Variants in ATP6V0B observed in about 807,000 individuals in gnomAD.
ATP6V0B encodes the protein V-type proton ATPase 21 kDa proteolipid subunit c''.
Under a neutral mutation model 26.2 loss-of-function variants are expected in ATP6V0B, and 4 were observed. The ratio of observed to expected loss-of-function variants is 0.15; its 90% CI spans 0.08 to 0.35. ATP6V0B has a LOEUF of 0.35. ATP6V0B is among the 10% of genes least tolerant of loss of function. The probability of loss-of-function intolerance (pLI) is 1.00; values close to 1 mark genes in which losing one functional copy is unlikely to be tolerated. For synonymous variants in ATP6V0B, 110 were observed against 105.8 expected (o/e 1.04, Z -0.24); for missense variants, 175 against 272.5 (o/e 0.64, Z 2.52).
chr1:43,974,971 C>A lies in ATP6V0B; in HGVS notation c.-70C>A. 8.5e-7 allele frequency: 1 copy of A among 1,169,778 alleles called. No homozygotes were observed. Among genetic ancestry groups the A allele is most frequent in the Non-Finnish European group, 1.1e-6 (1 of 920,228 alleles). 72.5% of individuals were successfully genotyped at this position (1,169,778 alleles called of 1,614,324 possible). A position where few individuals can be genotyped will look rare whatever the true frequency, so the allele number is the denominator to read the frequency against. On this transcript the variant is annotated 5_prime_UTR_variant, in exon 1 of 8. Transcript: ENST00000472174. ...CGGGGCGGGCGGACAGACTGCGGGA[C>A]GGACGGTGGACGCTGGGACGCGTTT...
chr1:43,977,316 A>G (rs2085531793), intron 7 of ATP6V0B, 100 bp downstream of exon 7: 2 of 1,604,052 alleles, frequency 1.2e-6, no homozygotes, highest in Non-Finnish European at 1.7e-6. Context: ...ACCTATAACT[A>G]TAGATTCCCC....
intron 7 of ATP6V0B, chr1:43,977,594 C>T (rs774192594): frequency 1.4e-6 from 2 of 1,420,758 alleles, no homozygotes; most frequent in Non-Finnish European, 1.8e-6. Context: ...GTTTGACTGT[C>T]TCTCGGAGCT....
intron 7 of ATP6V0B, chr1:43,977,626 G>C: frequency 7.0e-7 from 1 of 1,419,050 alleles, no homozygotes; most frequent in African/African-American, 1.4e-5. Context: ...CCTCTCACAT[G>C]CCTGTCAGTA....
chr1:43,975,969 T>TA (rs2085515203), intron 2 of ATP6V0B, 121 bp downstream of exon 2: 4 of 1,513,532 alleles, frequency 2.6e-6, no homozygotes, highest in Non-Finnish European at 3.6e-6. Flanking sequence ...CTTTGGGAAA[T>TA]ACGCGGTCAG....
chr1:43,976,287 T>C lies in ATP6V0B; in HGVS notation c.201-15T>C. 1 of 1,613,532 alleles carries C rather than the reference T, an allele frequency of 6.2e-7. No homozygotes were observed. On this transcript the variant is annotated splice_polypyrimidine_tract_variant and intron_variant, in intron 3 of 7. Transcript: ENST00000472174. This position sits in a 1 kb window ranked among gnomAD's most constrained non-coding sequence, Gnocchi z 4.6. ...AGCTTGGGCTCTGCTCATCAGTTTTTTATCCTTCCACCAGGGGCATCTATA... is the reference window on the plus strand; with the variant it reads ...AGCTTGGGCTCTGCTCATCAGTTTTCTATCCTTCCACCAGGGGCATCTATA...
intron 2 of ATP6V0B, 90 bp downstream of exon 2, chr1:43,975,938 C>T: frequency 6.6e-7 from 1 of 1,514,172 alleles, no homozygotes; most frequent in Non-Finnish European, 9.1e-7. Flanking sequence ...CCCCACACCA[C>T]TGCCTGCCTG....
rs1266082982 is a variant in ATP6V0B, at chr1:43,976,861, CTTCA to C, written c.400+39_400+42del. 1 of 1,610,914 alleles carries C rather than the reference CTTCA, an allele frequency of 6.2e-7. No individual in the cohort carries two copies. Among genetic ancestry groups the C allele is most frequent in the Non-Finnish European group, 8.5e-7 (1 of 1,177,254 alleles). On this transcript the variant is annotated intron_variant, in intron 6 of 7. Transcript: ENST00000472174. This position sits in a 1 kb window ranked among gnomAD's most constrained non-coding sequence, Gnocchi z 4.6. ...GGCGTATGAATGCAAAATGCTGGGA[CTTCA>C]TGCCTGCTTCCACTCTCCCCCATCC...
In ATP6V0B at chr1:43,977,566, ATCAG is replaced by A. The variant is rs1269455876; in HGVS notation, c.591+353_591+356del. 4.9e-6 allele frequency: 7 copies of A among 1,425,474 alleles called. No individual in the cohort carries two copies. In the East Asian group the frequency reaches 1.5e-4, roughly 31 times the overall value. The allele number at this position is 1,425,474 out of a possible 1,614,324, so 88.3% of individuals were successfully genotyped here. A position where few individuals can be genotyped will look rare whatever the true frequency, so the allele number is the denominator to read the frequency against. The stretch of plus-strand genomic sequence containing the variant: ...CTAGAATGGAATTTTGTCTGTCTAT[ATCAG>A]TCTGTCATGGTGTGTTTGACTGTCT... On this transcript the variant is annotated intron_variant, in intron 7 of 7. Coordinates refer to ENST00000472174, the MANE Select transcript of ATP6V0B (RefSeq NM_004047.5).
In ATP6V0B at chr1:43,976,847, G is replaced by C. The variant is rs2085525808; in HGVS notation, c.400+23G>C. 6.2e-7 allele frequency: 1 copy of C among 1,613,636 alleles called. No homozygotes were observed. The highest frequency in any genetic ancestry group is 1.7e-5 in the Admixed American group (1 of 60,006). ...CAGGTGGGTGGATGGGCGTATGAAT[G>C]CAAAATGCTGGGACTTCATGCCTGC... On this transcript the variant is annotated intron_variant, in intron 6 of 7. Coordinates refer to ENST00000472174, the MANE Select transcript of ATP6V0B (RefSeq NM_004047.5). The surrounding 1 kb of genome is among the most constrained non-coding windows in gnomAD (Gnocchi z 4.6).
intron 7 of ATP6V0B, chr1:43,977,679 G>A: frequency 7.0e-7 from 1 of 1,427,776 alleles, no homozygotes. Context: ...CTGTCTGACA[G>A]TGTGTGAGTT....
intron 7 of ATP6V0B, chr1:43,977,721 G>A (rs1285363666): frequency 7.0e-7 from 1 of 1,437,874 alleles, no homozygotes; most frequent in Non-Finnish European, 9.1e-7. Context: ...GGGTCTGAGT[G>A]TGACTGTGGG....
Position 43,976,568 on chromosome 1 carries a change from C to A in ATP6V0B, c.279-22C>A. 6.2e-7 allele frequency: 1 copy of A among 1,613,168 alleles called. No individual in the cohort carries two copies. Among genetic ancestry groups the A allele is most frequent in the African/African-American group, 1.3e-5 (1 of 75,018 alleles). On this transcript the variant is annotated intron_variant, in intron 4 of 7. Coordinates refer to ENST00000472174, the MANE Select transcript of ATP6V0B (RefSeq NM_004047.5). The surrounding 1 kb of genome is among the most constrained non-coding windows in gnomAD (Gnocchi z 4.6). ...TTTCTTTCTCCTTTCCACTCCTTAC[C>A]CCTAATCTCTACCACTACCAGCATC...
Position 43,978,111 on chromosome 1 carries a change from G to A in ATP6V0B, c.*104G>A. ...GCCTTTCAGAGGCTTGGTGTTCAGG[G>A]CCCTCCCTGCACTCCCCTCTTGCTG... On this transcript the variant is annotated 3_prime_UTR_variant, in exon 8 of 8. Coordinates refer to ENST00000472174, the MANE Select transcript of ATP6V0B (RefSeq NM_004047.5). The A allele has an allele frequency of 6.6e-7, 1 of 1,516,850 alleles. No homozygotes were observed. Among genetic ancestry groups the A allele is most frequent in the Non-Finnish European group, 9.1e-7 (1 of 1,094,178 alleles). The allele number at this position is 1,516,850 out of a possible 1,614,324, so 94.0% of individuals were successfully genotyped here. A position where few individuals can be genotyped will look rare whatever the true frequency, so the allele number is the denominator to read the frequency against.
In ATP6V0B at chr1:43,977,064, T is replaced by C; in HGVS notation, c.439T>C (p.Ser147Pro). 6.2e-7 allele frequency: 1 copy of C among 1,612,902 alleles called. No homozygotes were observed. The highest frequency in any genetic ancestry group is 8.5e-7 in the Non-Finnish European group (1 of 1,179,054). Reference sequence around the variant, plus strand: ...TGGGGCTGGCCTCACCGTAGGCCTGTCTAACCTCTTCTGTGGAGTCTGCGT... The same window carrying C: ...TGGGGCTGGCCTCACCGTAGGCCTGCCTAACCTCTTCTGTGGAGTCTGCGT... ...MFGAGLTVGLSNLFCGVCVGI... is the reference protein window; with the variant it reads ...MFGAGLTVGLPNLFCGVCVGI... The change falls in exon 7 of 8, where the codon TCT becomes CCT. Residue 147 changes from serine to proline, a missense_variant. By Grantham distance (74) the Ser-to-Pro change is moderately conservative (BLOSUM62 -1). Coordinates refer to ENST00000472174, the MANE Select transcript of ATP6V0B (RefSeq NM_004047.5).
At position 43,976,818 on chromosome 1, in the gene ATP6V0B, C is replaced by T. The variant is rs2085525366; in HGVS notation, c.394C>T (p.His132Tyr). The change falls in exon 6 of 8, where the codon CAT becomes TAT. Residue 132 changes from histidine to tyrosine, a missense_variant. This residue lies in a region of ATP6V0B where 97 missense variants were observed against 158.0 expected (regional missense o/e 0.61). Transcript: ENST00000472174. The surrounding 1 kb of genome is among the most constrained non-coding windows in gnomAD (Gnocchi z 4.6). ...DPKAIGHRNY[H>Y]AGYSMFGAGL... ...CAAGGCCATCGGCCATCGGAACTAC[C>T]ATGCAGGTGGGTGGATGGGCGTATG... The T allele has an allele frequency of 6.2e-7, 1 of 1,614,116 alleles. No individual in the cohort carries two copies. The highest frequency in any genetic ancestry group is 1.3e-5 in the African/African-American group (1 of 74,942).
At position 43,977,088 on chromosome 1, in the gene ATP6V0B, G is replaced by T; in HGVS notation, c.463G>T (p.Val155Leu). ...GTCTAACCTCTTCTGTGGAGTCTGC[G>T]TGGGCATCGTGGGCAGTGGGGCTGC... Reference protein sequence around the residue: ...GLSNLFCGVCVGIVGSGAALA... With the variant: ...GLSNLFCGVCLGIVGSGAALA... Residue 155 changes from valine (V) to leucine (L), a missense_variant, in exon 7 of 8, where the codon GTG becomes TTG. This residue lies in a region of ATP6V0B where 97 missense variants were observed against 158.0 expected (regional missense o/e 0.61). Transcript: ENST00000472174. The T allele has an allele frequency of 6.2e-7, 1 of 1,614,170 alleles. No homozygotes were observed. Among genetic ancestry groups the T allele is most frequent in the Non-Finnish European group, 8.5e-7 (1 of 1,179,988 alleles).
chr1:43,976,504 C>A lies in ATP6V0B; in HGVS notation c.279-86C>A. 1 of 1,561,794 alleles carries A rather than the reference C, an allele frequency of 6.4e-7. No homozygotes were observed. The highest frequency in any genetic ancestry group is 8.8e-7 in the Non-Finnish European group (1 of 1,134,702). ...ATGGGATGTTATAGGGGAAAGATTGCTGGGGACTTACTGGGCAGGAAGGAC... is the reference window on the plus strand; with the variant it reads ...ATGGGATGTTATAGGGGAAAGATTGATGGGGACTTACTGGGCAGGAAGGAC... On this transcript the variant is annotated intron_variant, in intron 4 of 7. Transcript: ENST00000472174. The surrounding 1 kb of genome is among the most constrained non-coding windows in gnomAD (Gnocchi z 4.6).
At chr1:43,975,651 A>C (rs527684531) in intron 1 of ATP6V0B, 149 bp from the exon 2 acceptor site, 2 of 823,996 alleles carry the variant, frequency 2.4e-6, no homozygotes, top group African/African-American at 3.4e-5. Flanking sequence ...AAGCAGAGGA[A>C]TCTGTCTACA....
At position 43,977,435 on chromosome 1, in the gene ATP6V0B, C is replaced by T. The variant is rs1297943321; in HGVS notation, c.591+219C>T. On this transcript the variant is annotated intron_variant, in intron 7 of 7. Transcript: ENST00000472174. The stretch of plus-strand genomic sequence containing the variant: ...GACAACAGCCCTGTTCTTTTTCCCC[C>T]CTTTCTAATGCGTTGTATCTGTATA... 4 of 1,462,780 alleles carry T rather than the reference C, an allele frequency of 2.7e-6. No homozygotes were observed. The Admixed American group carries it at 7.7e-5, about 28-fold the overall frequency. 90.6% of individuals were successfully genotyped at this position (1,462,780 alleles called of 1,614,324 possible). A position where few individuals can be genotyped will look rare whatever the true frequency, so the allele number is the denominator to read the frequency against.
Sources: allele counts gnomAD v4.1 joint callset, GRCh38; gene constraint gnomAD v4.1.1; regional missense constraint gnomAD v4.1.1; non-coding constraint Gnocchi (gnomAD v3.1); transcripts MANE v1.5; gene names NCBI Gene and HGNC (gene_info 2026-07-23, HGNC 2026-07-21).